CCDC102B: variants seen among roughly 807,000 people sequenced by gnomAD.
CCDC102B encodes the protein coiled-coil domain containing 102B, also known as coiled-coil domain-containing protein 102B.
A neutral mutation model predicts 57.4 loss-of-function variants in CCDC102B; 75 were observed. The ratio of observed to expected loss-of-function variants is 1.31; its 90% CI spans 1.08 to 1.58. The LOEUF (loss-of-function observed/expected upper bound fraction) is 1.58. CCDC102B is among the 40% of genes most tolerant of loss of function. CCDC102B has a pLI of 0.00. For synonymous variants in CCDC102B, 206 were observed against 201.9 expected (o/e 1.02, Z -0.17); for missense variants, 636 against 582.6 (o/e 1.09, Z -0.94).
chr18:69,057,536 A>T (rs1263823687), downstream of CCDC102B, among the ~76,000 whole-genome samples: 2 of 151,902 alleles, frequency 1.3e-5, no homozygotes, highest in African/African-American at 4.8e-5. Flanking sequence ...TTTCATGTGG[A>T]TATTGGCTTT....
intron 1 of CCDC102B, among the ~76,000 whole-genome samples, chr18:68,828,322 C>CAAAAAAAAAAAAA (rs58180806): frequency 1.2e-5 from 1 of 80,802 alleles, no homozygotes; most frequent in African/African-American, 4.6e-5. Context: ...ACCCTATTTA[C>CAAAAAAAAAAAAA]AAAAAAAAAA....
chr18:68,946,401 G>A (rs1025345564), intron 6 of CCDC102B, among the ~76,000 whole-genome samples: 3 of 152,060 alleles, frequency 2.0e-5, no homozygotes, highest in Admixed American at 2.0e-4. Context: ...ATGATCTATA[G>A]TGTGTGAATA....
chr18:68,765,373 G>GAAAGA (rs1278760748), intron 2 of CCDC102B, among the ~76,000 whole-genome samples: 16 of 119,842 alleles, frequency 1.3e-4, no homozygotes, highest in African/African-American at 2.9e-4. Flanking sequence ...AAGAAAGAAA[G>GAAAGA]AAAGAAAAGA....
chr18:68,963,313 G>T (rs916193889), intron 6 of CCDC102B, among the ~76,000 whole-genome samples: 9 of 152,022 alleles, frequency 5.9e-5, no homozygotes, highest in Non-Finnish European at 1.2e-4. Flanking sequence ...AAGTTAAAAG[G>T]CAATACATGG....
intron 6 of CCDC102B, among the ~76,000 whole-genome samples, chr18:68,942,457 C>T (rs1382000750): frequency 2.0e-5 from 3 of 151,920 alleles, no homozygotes; most frequent in Non-Finnish European, 4.4e-5. Context: ...TGATCATTAT[C>T]GGGCGTTTCT....
intron 1 of CCDC102B, among the ~76,000 whole-genome samples, chr18:68,808,468 C>CGTTTTTT (rs2036113998): frequency 1.1e-5 from 1 of 91,786 alleles, no homozygotes; most frequent in African/African-American, 4.3e-5. Flanking sequence ...GCTTTTACTA[C>CGTTTTTT]TTTTTTTTTT....
rs761049418 is a variant in CCDC102B, at chr18:68,836,844, C to T, written c.81C>T (p.Gly27=). 8.1e-6 allele frequency: 13 copies of T among 1,613,900 alleles called. No individual in the cohort carries two copies. The highest frequency in any genetic ancestry group is 6.7e-5 in the East Asian group (3 of 44,848). The change falls in exon 2 of 8, where the codon GGC becomes GGT. Residue 27 remains glycine (G), a synonymous_variant. Transcript: ENST00000360242. ...QMQQSSIKSR[G]DMVAPASPPR... is the part of the protein sequence containing the mutation. ...AACAATCATCAATTAAGTCACGCGG[C>T]GACATGGTGGCACCTGCCTCACCCC...
intron 4 of CCDC102B, among the ~76,000 whole-genome samples, chr18:68,869,088 G>A (rs781658941): frequency 2.6e-5 from 4 of 152,194 alleles, no homozygotes; most frequent in South Asian, 2.1e-4. Context: ...ACACAGAAAC[G>A]AGAAGAAAAA....
Position 68,838,847 on chromosome 18 carries a change from T to G in CCDC102B, c.748T>G (p.Leu250Val). ...GLRLKAINLP[L>V]ENEVTEISAL... ...GAGACTGAAAGCAATAAATCTGCCT[T>G]TGGAAAATGAAGTAACTGAAATTTC... is the stretch of plus-strand genomic sequence containing the variant. Residue 250 changes from leucine (L) to valine (V), a missense_variant, in exon 3 of 8, where the codon TTG becomes GTG. Coordinates refer to ENST00000360242, the MANE Select transcript of CCDC102B (RefSeq NM_024781.3). 1 of 1,613,978 alleles carries G rather than the reference T, an allele frequency of 6.2e-7. No homozygotes were observed. Among genetic ancestry groups the G allele is most frequent in the Non-Finnish European group, 8.5e-7 (1 of 1,179,958 alleles).
intron 6 of CCDC102B, among the ~76,000 whole-genome samples, chr18:68,937,641 G>A (rs1306036989): frequency 1.3e-5 from 2 of 152,016 alleles, no homozygotes; most frequent in African/African-American, 4.8e-5. Context: ...GGATACATGT[G>A]CAGAATGTGC....
chr18:68,925,505 A>G (rs1388387921), intron 6 of CCDC102B, among the ~76,000 whole-genome samples: 1 of 152,046 alleles, frequency 6.6e-6, no homozygotes, highest in Non-Finnish European at 1.5e-5. Context: ...GCACCAAGTC[A>G]GCAAATTAGT....
intron 1 of CCDC102B, among the ~76,000 whole-genome samples, chr18:68,831,463 T>C (rs1345787568): frequency 6.6e-6 from 1 of 152,150 alleles, no homozygotes; most frequent in Non-Finnish European, 1.5e-5. Context: ...TTGGCAAACA[T>C]GACATTGTTT....
intron 2 of CCDC102B, among the ~76,000 whole-genome samples, chr18:68,762,837 T>C (rs1403784588): frequency 1.3e-5 from 2 of 152,062 alleles, no homozygotes; most frequent in Non-Finnish European, 2.9e-5. Flanking sequence ...GTGGAAAACA[T>C]GAACAGAAAC....
chr18:68,727,551 T>C (rs900830236), intron 2 of CCDC102B, among the ~76,000 whole-genome samples: 1 of 152,220 alleles, frequency 6.6e-6, no homozygotes, highest in Admixed American at 6.5e-5. Context: ...TGGGACTCAA[T>C]GTATTCATGA....
intron 5 of CCDC102B, among the ~76,000 whole-genome samples, chr18:68,878,287 C>G (rs192821808): frequency 6.6e-6 from 1 of 151,862 alleles, no homozygotes; most frequent in African/African-American, 2.4e-5. Context: ...TTGTAGAGAC[C>G]GGGGTCTCAC....
intron 6 of CCDC102B, among the ~76,000 whole-genome samples, chr18:68,940,247 G>A (rs962594335): frequency 1.3e-5 from 2 of 151,670 alleles, no homozygotes; most frequent in East Asian, 1.9e-4. Context: ...TATTTACTTG[G>A]CATATGAAAT....
chr18:68,912,519 G>T (rs1361220291), intron 6 of CCDC102B, among the ~76,000 whole-genome samples: 1 of 152,196 alleles, frequency 6.6e-6, no homozygotes, highest in East Asian at 1.9e-4. Context: ...GTCACAAGTT[G>T]TGTCAGCACA....
chr18:68,890,416 G>A (rs2040033413), intron 5 of CCDC102B, among the ~76,000 whole-genome samples: 1 of 151,938 alleles, frequency 6.6e-6, no homozygotes, highest in Non-Finnish European at 1.5e-5. Context: ...TTGTAAAGTT[G>A]GAGTCTCACC....
intron 1 of CCDC102B, among the ~76,000 whole-genome samples, chr18:68,715,807 C>G (rs1208049044): frequency 6.6e-6 from 1 of 152,142 alleles, no homozygotes; most frequent in Non-Finnish European, 1.5e-5. Context: ...ACGGTTACTG[C>G]AGCAATCACT....
Sources: allele counts gnomAD v4.1 joint callset (sites outside exome capture counted in the v4.1 genomes callset), GRCh38; gene constraint gnomAD v4.1.1; transcripts MANE v1.5; gene names NCBI Gene and HGNC (gene_info 2026-07-23, HGNC 2026-07-21).